CREB5: variants seen among roughly 807,000 people sequenced by gnomAD.
CREB5 encodes the protein cyclic AMP-responsive element-binding protein 5.
In CREB5, 19 loss-of-function variants were observed where a neutral mutation model predicts 57.1. The ratio of observed to expected loss-of-function variants is 0.33; its 90% CI spans 0.23 to 0.49. CREB5 has a LOEUF of 0.49. Among genes scored for constraint, CREB5 ranks in the 20% least tolerant of loss-of-function variants. The probability of loss-of-function intolerance (pLI) is 0.99; values close to 1 mark genes in which losing one functional copy is unlikely to be tolerated. For missense variants in CREB5, 579 were observed against 671.6 expected, an observed-to-expected ratio of 0.86 and a Z score of 1.52; for synonymous variants, 238 against 238.3, an observed-to-expected ratio of 1.00 and a Z score of 0.01.
rs1554281573 is a variant in CREB5 at position 28,658,959 on chromosome 7, A to ATATATATATATATATATATGTG, written c.465-59775_465-59774insGTGTATATATATATATATATAT. 5.6e-3 allele frequency among the ~76,000 whole-genome samples: 725 copies of ATATATATATATATATATATGTG among 129,518 alleles called. 28 individuals are homozygous for ATATATATATATATATATATGTG. The highest frequency in any genetic ancestry group is 0.02 in the African/African-American group (650 of 32,700). 85.0% of individuals were successfully genotyped at this position (129,518 alleles called of 152,430 possible). On this transcript the variant is annotated intron_variant, in intron 5 of 10. Transcript: ENST00000357727. ...ATATTATATGTGTGTGTGTGTATAT[A>ATATATATATATATATATATGTG]TATATATATATATATATATATGTAT...
chr7:28,479,567 A>G (rs1173569971), intron 1 of CREB5, among the ~76,000 whole-genome samples: 1 of 152,206 alleles, frequency 6.6e-6, no homozygotes, highest in Non-Finnish European at 1.5e-5. Context: ...CACACTTGAC[A>G]TTTGAAGCAG....
At chr7:28,770,195 T>A (rs1341679151) in intron 7 of CREB5, among the ~76,000 whole-genome samples, 1 of 151,896 alleles carries the variant, frequency 6.6e-6, no homozygotes, top group Non-Finnish European at 1.5e-5. Context: ...AAGAGTGGAG[T>A]TAATATGACA....
At chr7:28,577,820 G>A (rs111493686) in intron 5 of CREB5, among the ~76,000 whole-genome samples, 2,135 of 152,254 alleles carry the variant, frequency 0.014, 49 homozygotes, top group African/African-American at 0.049. Context: ...TACTTGGTAA[G>A]GTAACTTCTC....
chr7:28,519,533 G>T (rs58355001), intron 4 of CREB5, among the ~76,000 whole-genome samples: 27,702 of 152,034 alleles, frequency 0.18, 4,450 homozygotes, highest in African/African-American at 0.44. Context: ...ACCCTTGGTG[G>T]TAATGGGTTT....
intron 5 of CREB5, among the ~76,000 whole-genome samples, chr7:28,584,364 A>T (rs1796234500): frequency 6.6e-6 from 1 of 152,180 alleles, no homozygotes; most frequent in South Asian, 2.1e-4. Flanking sequence ...GTCTGTAATC[A>T]GGTTAAGATG....
chr7:28,313,437 T>A (rs1785317505), intron 1 of CREB5, among the ~76,000 whole-genome samples: 1 of 152,240 alleles, frequency 6.6e-6, no homozygotes, highest in Non-Finnish European at 1.5e-5. Context: ...GTATTTTTAT[T>A]ACTTTTGGTC....
intron 7 of CREB5, among the ~76,000 whole-genome samples, chr7:28,764,401 C>T (rs533839494): frequency 6.6e-6 from 1 of 151,290 alleles, no homozygotes; most frequent in African/African-American, 2.4e-5. Flanking sequence ...TTTAATTTAC[C>T]ATTAGCCATT....
chr7:28,543,083 A>G (rs1794268717), intron 4 of CREB5, among the ~76,000 whole-genome samples: 1 of 152,106 alleles, frequency 6.6e-6, no homozygotes, highest in South Asian at 2.1e-4. Flanking sequence ...ACATGATCCT[A>G]TGAGCCTCAA....
At chr7:28,379,314 C>G (rs911440282) in intron 1 of CREB5, among the ~76,000 whole-genome samples, 1 of 152,190 alleles carries the variant, frequency 6.6e-6, no homozygotes, top group Non-Finnish European at 1.5e-5. Flanking sequence ...TTCTAACCAC[C>G]AATTTAAGCT....
At position 28,355,471 on chromosome 7, in the gene CREB5, T is replaced by C. The variant is rs118073445; in HGVS notation, c.-25+56030T>C. On this transcript the variant is annotated intron_variant, in intron 1 of 9. Transcript: ENST00000396299. ...ATAAGACTTTATGTTTGGAGAAAAA[T>C]ATTACAACATACTTTTCCTTCAAGC... Among the ~76,000 whole-genome samples, 13 of 152,294 alleles carry C rather than the reference T, an allele frequency of 8.5e-5. No individual in the cohort carries two copies. In the East Asian group the frequency reaches 2.5e-3, roughly 29 times the overall value.
At chr7:28,381,650 A>G (rs1192724072) in intron 1 of CREB5, among the ~76,000 whole-genome samples, 1 of 152,202 alleles carries the variant, frequency 6.6e-6, no homozygotes, top group Non-Finnish European at 1.5e-5. Context: ...AACCAAGAGT[A>G]CCCTGGCAGA....
chr7:28,319,341 T>G (rs1245949717), intron 1 of CREB5, among the ~76,000 whole-genome samples: 1 of 152,236 alleles, frequency 6.6e-6, no homozygotes, highest in Non-Finnish European at 1.5e-5. Flanking sequence ...GCCACTCATT[T>G]ACATAGAATA....
At chr7:28,552,784 A>T (rs911709909) in intron 4 of CREB5, among the ~76,000 whole-genome samples, 6 of 152,200 alleles carry the variant, frequency 3.9e-5, no homozygotes, top group Admixed American at 3.9e-4. Context: ...TCCACTAGGG[A>T]TGGCTTTTGT....
intron 7 of CREB5, among the ~76,000 whole-genome samples, chr7:28,745,129 C>G (rs1432419308): frequency 6.6e-6 from 1 of 152,204 alleles, no homozygotes; most frequent in Non-Finnish European, 1.5e-5. Context: ...TCTTGCTCCA[C>G]GCTGGTCCTT....
intron 4 of CREB5, 109 bp from the exon 5 acceptor site, chr7:28,570,256 C>G (rs932658525): frequency 8.3e-7 from 1 of 1,202,714 alleles, no homozygotes; most frequent in East Asian, 2.4e-5. Context: ...AGCCATAACT[C>G]TCTATGTAGT....
intron 1 of CREB5, among the ~76,000 whole-genome samples, chr7:28,367,313 T>C (rs940568364): frequency 1.3e-5 from 2 of 152,188 alleles, no homozygotes; most frequent in Non-Finnish European, 2.9e-5. Context: ...GAAGGCCCAA[T>C]TGGCATCCCA....
Position 28,659,879 on chromosome 7 carries a change from A to T in CREB5, c.465-58874A>T, listed in dbSNP as rs552118597. ...AACAGCACTGGGAAATGACAGTGGT[A>T]TCATTATTGGATCAGACATTTTGAG... On this transcript the variant is annotated intron_variant, in intron 5 of 10. Coordinates refer to ENST00000357727, the MANE Select transcript of CREB5 (RefSeq NM_182898.4). 1.1e-4 allele frequency among the ~76,000 whole-genome samples: 16 copies of T among 152,312 alleles called. 1 individual carries two copies. The South Asian group carries it at 3.3e-3, about 32-fold the overall frequency.
chr7:28,721,848 C>T (rs895951949), intron 6 of CREB5, among the ~76,000 whole-genome samples: 2 of 152,308 alleles, frequency 1.3e-5, no homozygotes, highest in South Asian at 2.1e-4. Flanking sequence ...TTTATAATTA[C>T]AAAACCTCAC....
intron 4 of CREB5, among the ~76,000 whole-genome samples, chr7:28,534,608 A>G (rs763326651): frequency 7.9e-5 from 12 of 152,178 alleles, no homozygotes; most frequent in Non-Finnish European, 1.0e-4. Context: ...ATTTTCAAAC[A>G]GGAGTCTCAG....
Sources: allele counts gnomAD v4.1 joint callset (sites outside exome capture counted in the v4.1 genomes callset), GRCh38; gene constraint gnomAD v4.1.1; transcripts MANE v1.5; gene names NCBI Gene and HGNC (gene_info 2026-07-23, HGNC 2026-07-21).